The following PAX5 variants were observed in gnomAD, a reference collection of about 807,000 sequenced individuals.
PAX5 encodes the protein paired box 5.
PAX5 carries 9 observed loss-of-function variants against 43.7 expected under a neutral mutation model. That is an observed-to-expected ratio of 0.21 (90% CI 0.12 to 0.36). The LOEUF (loss-of-function observed/expected upper bound fraction) is 0.36. Ranked by LOEUF, PAX5 falls within the 10% of genes least tolerant of loss-of-function variation. The pLI, the probability that PAX5 is intolerant of heterozygous loss-of-function variation, is 1.00. For synonymous variants in PAX5, 228 were observed against 214.3 expected (o/e 1.06, Z -0.56); for missense variants, 383 against 532.7 (o/e 0.72, Z 2.77).
chr9:36,961,588 G>C (rs1052575512), intron 6 of PAX5, among the ~76,000 whole-genome samples: 8 of 152,206 alleles, frequency 5.3e-5, no homozygotes, highest in South Asian at 2.1e-4. Context: ...AACTCCATTT[G>C]ACAACTGTGA....
intron 7 of PAX5, among the ~76,000 whole-genome samples, chr9:36,892,777 T>C (rs748365141): frequency 6.6e-6 from 1 of 152,238 alleles, no homozygotes; most frequent in Non-Finnish European, 1.5e-5. Flanking sequence ...ATATTTATTA[T>C]ACAGTTTTGA....
chr9:37,009,906 ACT>A (rs566221245), intron 3 of PAX5, among the ~76,000 whole-genome samples: 16 of 152,314 alleles, frequency 1.1e-4, no homozygotes, highest in Non-Finnish European at 1.9e-4. Flanking sequence ...CCACTCTCAC[ACT>A]GTTTTAAGAA....
intron 8 of PAX5, 81 bp downstream of exon 8, chr9:36,881,923 C>T: frequency 9.8e-7 from 1 of 1,019,884 alleles, no homozygotes; most frequent in South Asian, 1.4e-5. Flanking sequence ...TAGAGGTCAC[C>T]CAGGCTGTTT....
At position 36,854,455 on chromosome 9, in the gene PAX5, T is replaced by C. The variant is rs375949286; in HGVS notation, c.1013-7526A>G. 3.3e-5 allele frequency among the ~76,000 whole-genome samples: 5 copies of C among 152,358 alleles called. No homozygotes were observed. In the East Asian group the frequency reaches 9.6e-4, roughly 29 times the overall value. ...CACACACACATACACACACACTGGA[T>C]TCTGGAGCTGTGTCAAAGCCTCTTA... On this transcript the variant is annotated intron_variant, in intron 8 of 9. Transcript: ENST00000358127.
chr9:36,848,132 G>T (rs1445654910), intron 8 of PAX5, among the ~76,000 whole-genome samples: 1 of 152,140 alleles, frequency 6.6e-6, no homozygotes, highest in Non-Finnish European at 1.5e-5. Context: ...CTACAAGGAT[G>T]CTTACAAAGG....
At chr9:36,875,933 G>A (rs1037704556) in intron 8 of PAX5, among the ~76,000 whole-genome samples, 1 of 152,224 alleles carries the variant, frequency 6.6e-6, no homozygotes, top group Non-Finnish European at 1.5e-5. Flanking sequence ...AGGGAGAAAA[G>A]TGTCTGTTGT....
In PAX5 at chr9:36,834,417, A is replaced by AGAGT. The variant is rs1554759900; in HGVS notation, c.*6142_*6143insACTC. The AGAGT allele has an allele frequency of 4.5e-6, 1 of 220,274 alleles. No individual in the cohort carries two copies. Among genetic ancestry groups the AGAGT allele is most frequent in the Non-Finnish European group, 8.9e-6 (1 of 112,458 alleles). 13.6% of individuals were successfully genotyped at this position (220,274 alleles called of 1,614,324 possible). ...TGTCTGAGGTGTAGGGGAGTGAGTG[A>AGAGT]GTGTGTGTGTGTGTGTGTGTGTGTG... On this transcript the variant is annotated 3_prime_UTR_variant, in exon 10 of 10. Transcript: ENST00000358127.
At chr9:36,914,927 C>T (rs970031322) in intron 7 of PAX5, among the ~76,000 whole-genome samples, 26 of 152,144 alleles carry the variant, frequency 1.7e-4, no homozygotes, top group Non-Finnish European at 1.5e-5. Context: ...TACTTAAATA[C>T]TTAATATTTA....
Position 36,834,539 on chromosome 9 carries a change from AT to A in PAX5, c.*6020del. ...AGTGTTTAAAATAGACTCAGGATTT[AT>A]TTATTTTCTTTTTAGCTTTATAGCA... is the stretch of plus-strand genomic sequence containing the variant. On this transcript the variant is annotated 3_prime_UTR_variant, in exon 10 of 10. Transcript: ENST00000358127. The A allele has an allele frequency of 4.3e-6, 1 of 232,964 alleles. No individual in the cohort carries two copies. Among genetic ancestry groups the A allele is most frequent in the Non-Finnish European group, 8.5e-6 (1 of 118,004 alleles). 14.4% of individuals were successfully genotyped at this position (232,964 alleles called of 1,614,324 possible).
chr9:36,880,485 G>A (rs1826316261), intron 8 of PAX5, among the ~76,000 whole-genome samples: 1 of 152,286 alleles, frequency 6.6e-6, no homozygotes, highest in East Asian at 1.9e-4. Flanking sequence ...GCATGGGAGA[G>A]TGGGCAAGGC....
At chr9:36,889,951 G>C (rs1053735929) in intron 7 of PAX5, among the ~76,000 whole-genome samples, 23 of 139,338 alleles carry the variant, frequency 1.7e-4, no homozygotes, top group South Asian at 5.2e-4. Flanking sequence ...CGGGGGGGGG[G>C]GGAATGTGAA....
chr9:37,020,490 G>A, intron 2 of PAX5, 146 bp downstream of exon 2: 1 of 799,458 alleles, frequency 1.3e-6, no homozygotes, highest in Non-Finnish European at 2.0e-6. Context: ...TTGGAATTGG[G>A]GCTTTGCAGA....
At chr9:36,922,866 G>A (rs548691482) in intron 7 of PAX5, 114 of 156,868 alleles carry the variant, frequency 7.3e-4, no homozygotes, top group Middle Eastern at 3.3e-3. Flanking sequence ...TAAAGAGTCT[G>A]GCCCTGGGAC....
chr9:36,836,230 G>A lies in PAX5; in HGVS notation c.*4330C>T, dbSNP rs1053381870. The A allele has an allele frequency of 2.6e-5, 6 of 233,462 alleles. No individual in the cohort carries two copies. Among genetic ancestry groups the A allele is most frequent in the African/African-American group, 6.6e-5 (3 of 45,364 alleles). 14.5% of individuals were successfully genotyped at this position (233,462 alleles called of 1,614,324 possible). ...GCAGCTCCCCAATCCCGTCCCCAGC[G>A]CCTCTGACCTTCCACCCAACTCCAT... On this transcript the variant is annotated 3_prime_UTR_variant, in exon 10 of 10. Transcript: ENST00000358127.
At chr9:36,932,077 C>T (rs1479150530) in intron 6 of PAX5, among the ~76,000 whole-genome samples, 1 of 152,010 alleles carries the variant, frequency 6.6e-6, no homozygotes, top group Admixed American at 6.6e-5. Context: ...GAGTTTGAGA[C>T]AAGCCTGGGC....
At chr9:37,025,649 G>T (rs1223310963) in intron 1 of PAX5, among the ~76,000 whole-genome samples, 1 of 152,220 alleles carries the variant, frequency 6.6e-6, no homozygotes, top group Non-Finnish European at 1.5e-5. Flanking sequence ...CTCACCGTGA[G>T]AGGAGCGCTC....
chr9:36,980,101 G>T (rs898546327), intron 5 of PAX5, among the ~76,000 whole-genome samples: 4 of 152,186 alleles, frequency 2.6e-5, no homozygotes, highest in Admixed American at 2.6e-4. Flanking sequence ...CACTGCTATG[G>T]TTCCTTCGTG....
chr9:37,020,154 G>T (rs1289147656), intron 2 of PAX5, among the ~76,000 whole-genome samples: 1 of 150,990 alleles, frequency 6.6e-6, no homozygotes, highest in East Asian at 1.9e-4. Context: ...TTGTCACTGC[G>T]ATGGAAATAA....
chr9:37,026,551 G>A (rs1292675709), intron 1 of PAX5: 1 of 1,335,376 alleles, frequency 7.5e-7, no homozygotes, highest in Non-Finnish European at 9.8e-7. Context: ...GATGCAAACG[G>A]GTCGTGCTTA....
Sources: allele counts gnomAD v4.1 joint callset (sites outside exome capture counted in the v4.1 genomes callset), GRCh38; gene constraint gnomAD v4.1.1; transcripts MANE v1.5; gene names NCBI Gene and HGNC (gene_info 2026-07-23, HGNC 2026-07-21).